The following KIFAP3 variants were observed in gnomAD, a reference collection of about 807,000 sequenced individuals.
The protein encoded by KIFAP3 is kinesin associated protein 3.
KIFAP3 carries 68 observed loss-of-function variants against 106.5 expected under a neutral mutation model. That is an observed-to-expected ratio of 0.64 (90% CI 0.53 to 0.78). KIFAP3 has a LOEUF of 0.78. Ranked by LOEUF, KIFAP3 falls within the 30% of genes least tolerant of loss-of-function variation. The pLI, the probability that KIFAP3 is intolerant of heterozygous loss-of-function variation, is 0.00. For missense variants in KIFAP3, 780 were observed against 941.8 expected, an observed-to-expected ratio of 0.83 and a Z score of 2.25; for synonymous variants, 320 against 311.5, an observed-to-expected ratio of 1.03 and a Z score of -0.29.
At position 170,046,879 on chromosome 1, in the gene KIFAP3, C is replaced by A; in HGVS notation, c.165-13G>T. 1 of 1,553,904 alleles carries A rather than the reference C, an allele frequency of 6.4e-7. No individual in the cohort carries two copies. Among genetic ancestry groups the A allele is most frequent in the Non-Finnish European group, 8.7e-7 (1 of 1,148,786 alleles). On this transcript the variant is annotated splice_polypyrimidine_tract_variant and intron_variant, in intron 2 of 19. Coordinates refer to ENST00000361580, the MANE Select transcript of KIFAP3 (RefSeq NM_014970.4). ...CTTAAGTCGAATGCTGTAAGTATAA[C>A]AGAATTTTTCAACTCACGTATTATA...
intron 17 of KIFAP3, among the ~76,000 whole-genome samples, chr1:169,971,250 G>GT (rs1332191061): frequency 1.3e-5 from 2 of 151,910 alleles, no homozygotes; most frequent in Non-Finnish European, 2.9e-5. Flanking sequence ...GTTGCTTCAA[G>GT]TAAGATAATC....
chr1:170,018,467 A>G (rs1668632801), intron 9 of KIFAP3, among the ~76,000 whole-genome samples: 2 of 152,098 alleles, frequency 1.3e-5, no homozygotes, highest in Admixed American at 6.5e-5. Context: ...TTGGTTGTAA[A>G]AACATCTCAC....
chr1:169,949,612 T>C (rs1038910239), intron 19 of KIFAP3, among the ~76,000 whole-genome samples: 10 of 152,254 alleles, frequency 6.6e-5, no homozygotes, highest in East Asian at 1.9e-4. Flanking sequence ...TCCAAAAATA[T>C]GGTGCAGATA....
chr1:169,981,359 T>C (rs1214854212), intron 15 of KIFAP3, among the ~76,000 whole-genome samples: 2 of 152,316 alleles, frequency 1.3e-5, no homozygotes, highest in South Asian at 2.1e-4. Flanking sequence ...GTATCCAGGA[T>C]GTACATGCCA....
intron 19 of KIFAP3, among the ~76,000 whole-genome samples, chr1:169,927,448 G>A (rs771614234): frequency 5.8e-4 from 88 of 152,118 alleles, no homozygotes; most frequent in Admixed American, 9.2e-4. Flanking sequence ...ATTGCTACAG[G>A]ACAATCTTGG....
intron 17 of KIFAP3, among the ~76,000 whole-genome samples, chr1:169,961,835 A>G (rs1419031828): frequency 1.3e-5 from 2 of 152,216 alleles, no homozygotes; most frequent in Non-Finnish European, 2.9e-5. Context: ...AGTATATAAT[A>G]CATATACAAA....
chr1:170,031,825 CA>C, intron 8 of KIFAP3, 60 bp downstream of exon 8: 1 of 1,065,406 alleles, frequency 9.4e-7, no homozygotes, highest in African/African-American at 1.6e-5. Flanking sequence ...AAAAAGTGAA[CA>C]AAACAAATGT....
At chr1:170,064,591 C>CG (rs1336550788) in intron 1 of KIFAP3, among the ~76,000 whole-genome samples, 2 of 152,106 alleles carry the variant, frequency 1.3e-5, no homozygotes, top group Non-Finnish European at 2.9e-5. Flanking sequence ...TGGGCTCAAG[C>CG]GATCCACCAG....
chr1:169,989,771 A>G (rs1667009174), intron 11 of KIFAP3, among the ~76,000 whole-genome samples: 1 of 152,072 alleles, frequency 6.6e-6, no homozygotes, highest in Admixed American at 6.6e-5. Context: ...GAGTTTATCA[A>G]TTTTTTAAAT....
chr1:170,017,760 C>T (rs1321570871), intron 9 of KIFAP3, among the ~76,000 whole-genome samples: 5 of 152,164 alleles, frequency 3.3e-5, no homozygotes, highest in Admixed American at 6.5e-5. Flanking sequence ...AACTAAACAC[C>T]AACTTGTAAA....
intron 7 of KIFAP3, among the ~76,000 whole-genome samples, chr1:170,032,461 C>A (rs1669464738): frequency 6.6e-6 from 1 of 151,676 alleles, no homozygotes; most frequent in Non-Finnish European, 1.5e-5. Context: ...TTTGTAGCAG[C>A]CTTTTCAGAC....
intron 19 of KIFAP3, among the ~76,000 whole-genome samples, chr1:169,946,520 T>A (rs1006321429): frequency 2.0e-5 from 3 of 152,106 alleles, no homozygotes; most frequent in African/African-American, 4.8e-5. Context: ...GCAATAATGA[T>A]GTAATAGTAG....
At chr1:169,985,013 C>T (rs149338567) in intron 11 of KIFAP3, among the ~76,000 whole-genome samples, 2 of 151,770 alleles carry the variant, frequency 1.3e-5, no homozygotes, top group East Asian at 1.9e-4. Context: ...AAGAAAATAG[C>T]TTATGCAAAG....
At chr1:169,925,409 C>T (rs573182792) in intron 19 of KIFAP3, among the ~76,000 whole-genome samples, 13 of 151,662 alleles carry the variant, frequency 8.6e-5, no homozygotes, top group Non-Finnish European at 1.5e-4. Context: ...TTTCTGGGTA[C>T]CTAGAAAGAA....
At chr1:170,009,653 G>A (rs1668146899) in intron 10 of KIFAP3, among the ~76,000 whole-genome samples, 2 of 152,048 alleles carry the variant, frequency 1.3e-5, no homozygotes, top group South Asian at 4.1e-4. Context: ...CAGACAAAAA[G>A]CTAGGAAAAT....
At chr1:170,033,402 G>A (rs577559636) in intron 7 of KIFAP3, among the ~76,000 whole-genome samples, 1 of 151,790 alleles carries the variant, frequency 6.6e-6, no homozygotes, top group South Asian at 2.1e-4. Context: ...AGTTAAAAAT[G>A]TATGATATTC....
intron 19 of KIFAP3, among the ~76,000 whole-genome samples, chr1:169,950,529 C>T (rs901150436): frequency 2.6e-5 from 4 of 152,030 alleles, no homozygotes; most frequent in African/African-American, 9.7e-5. Context: ...TCCAAATAGA[C>T]AATTTAATCT....
chr1:169,992,452 T>C (rs1667152054), intron 10 of KIFAP3, among the ~76,000 whole-genome samples, 197 bp from the exon 11 acceptor site: 1 of 152,140 alleles, frequency 6.6e-6, no homozygotes, highest in South Asian at 2.1e-4. Context: ...ATCACTAATT[T>C]CCAAGAAAGA....
At chr1:170,077,078 A>T (rs1279759219), upstream of KIFAP3, among the ~76,000 whole-genome samples, 1 of 152,126 alleles carries the variant, frequency 6.6e-6, no homozygotes, top group Admixed American at 6.5e-5. Context: ...AAACGCACCA[A>T]TTAGTGCTCT....
Sources: gnomAD v4.1 joint callset for allele counts (sites outside exome capture counted in the v4.1 genomes callset) on GRCh38, gnomAD v4.1.1 for gene constraint, MANE v1.5 for transcripts, NCBI Gene and HGNC (gene_info 2026-07-23, HGNC 2026-07-21) for gene names.